PCED1A: variants seen among roughly 807,000 people sequenced by gnomAD.
PCED1A encodes the protein PC-esterase domain containing 1A, also known as PC-esterase domain-containing protein 1A.
A neutral mutation model predicts 41.9 loss-of-function variants in PCED1A; 20 were observed. That is an observed-to-expected ratio of 0.48 (90% confidence interval 0.34 to 0.69). PCED1A has a LOEUF of 0.69. Among genes scored for constraint, PCED1A ranks in the 30% least tolerant of loss-of-function variants. The probability of loss-of-function intolerance (pLI) is 0.01; values close to 1 mark genes in which losing one functional copy is unlikely to be tolerated. For synonymous variants in PCED1A, 236 were observed against 241.3 expected (o/e 0.98, Z 0.20); for missense variants, 498 against 602.1 (o/e 0.83, Z 1.81).
upstream of PCED1A, chr20:2,840,938 C>A: frequency 9.2e-7 from 1 of 1,083,046 alleles, no homozygotes; most frequent in Non-Finnish European, 1.3e-6. Flanking sequence ...GTCCGCCCCG[C>A]GCCGGCTCTC....
Position 2,835,526 on chromosome 20 carries a change from C to T in PCED1A, c.1301G>A (p.Arg434Lys), listed in dbSNP as rs1405015684. The T allele has an allele frequency of 1.2e-6, 2 of 1,614,044 alleles. No homozygotes were observed. Among genetic ancestry groups the T allele is most frequent in the African/African-American group, 1.3e-5 (1 of 75,008 alleles). Residue 434 changes from arginine (R) to lysine (K), a missense_variant, in exon 8 of 8, where the codon AGA becomes AAA. Physicochemically the swap from Arg to Lys is conservative, Grantham distance 26. Coordinates refer to ENST00000360652, the MANE Select transcript of PCED1A (RefSeq NM_022760.6). ...GTCCAGTTTGTATGTGTGGATCAGT[C>T]TCTCTGAGTGTCTGAGCCGCTGCCT... ...PCRQRLRHSE[R>K]LIHTYKLDRR... is the part of the protein sequence containing the mutation.
intron 2 of PCED1A, 36 bp from the exon 3 acceptor site, chr20:2,839,307 C>T: frequency 6.3e-7 from 1 of 1,595,706 alleles, no homozygotes; most frequent in Non-Finnish European, 8.6e-7. Context: ...CTGAGGCAGA[C>T]CTCAGCCTGC....
Position 2,836,249 on chromosome 20 carries a change from C to A in PCED1A, c.907G>T (p.Asp303Tyr). 1 of 1,614,132 alleles carries A rather than the reference C, an allele frequency of 6.2e-7. No individual in the cohort carries two copies. Among genetic ancestry groups the A allele is most frequent in the South Asian group, 1.1e-5 (1 of 91,078 alleles). Residue 303 changes from aspartate (D) to tyrosine (Y), a missense_variant, in exon 7 of 8, where the codon GAC becomes TAC. Asp to Tyr is a radical substitution (Grantham distance 160, BLOSUM62 -3). Around this residue, in one of 2 missense-constraint regions of PCED1A, gnomAD observed 245 missense variants for 232.4 expected, o/e 1.05. Coordinates refer to ENST00000360652, the MANE Select transcript of PCED1A (RefSeq NM_022760.6). ...AGCAAGGCCAGGTGCTCCCCGAAGT[C>A]TGGGGTCTGCCTATGGCTTCCCTGG... is the stretch of plus-strand genomic sequence containing the variant. ...PFQGSHRQTP[D>Y]FGEHLALLPP...
At chr20:2,840,960 G>T, upstream of PCED1A, 1 of 839,528 alleles carries the variant, frequency 1.2e-6, no homozygotes. Context: ...CCGAGCGTCT[G>T]CCACTTAGCG....
chr20:2,840,726 T>G, upstream of PCED1A: 2 of 1,543,418 alleles, frequency 1.3e-6, no homozygotes, highest in Non-Finnish European at 1.8e-6. Flanking sequence ...TGGAGCCCGC[T>G]CTAGGTGGGT....
chr20:2,840,996 G>A, upstream of PCED1A: 2 of 640,696 alleles, frequency 3.1e-6, no homozygotes, highest in Non-Finnish European at 5.2e-6. Flanking sequence ...GCAGGGAGCC[G>A]GGCCTTCCCC....
Position 2,838,408 on chromosome 20 carries a change from C to G in PCED1A, c.665G>C (p.Gly222Ala). The G allele has an allele frequency of 1.2e-6, 2 of 1,614,218 alleles. No homozygotes were observed. Among genetic ancestry groups the G allele is most frequent in the Non-Finnish European group, 1.7e-6 (2 of 1,180,038 alleles). ...GTCTAGGACATCAAAGCAGTGGTCCCCGGCCAGCGTAGCACTGTAGAAGTT... is the reference window on the plus strand; with the variant it reads ...GTCTAGGACATCAAAGCAGTGGTCCGCGGCCAGCGTAGCACTGTAGAAGTT... Reference protein sequence around the residue: ...EGNFYSATLAGDHCFDVLDLH... With the variant: ...EGNFYSATLAADHCFDVLDLH... The change falls in exon 6 of 8, where the codon GGG (glycine) becomes GCG (alanine). Residue 222 changes from glycine (G) to alanine (A), a missense_variant. Physicochemically the swap from Gly to Ala is moderately conservative, Grantham distance 60. Around this residue, in one of 2 missense-constraint regions of PCED1A, gnomAD observed 253 missense variants for 369.7 expected, o/e 0.68. Transcript: ENST00000360652. The surrounding 1 kb of genome is among the most constrained non-coding windows in gnomAD (Gnocchi z 5.8).
chr20:2,838,536 G>A lies in PCED1A; in HGVS notation c.595-58C>T, dbSNP rs752775454. The A allele has an allele frequency of 6.2e-7, 1 of 1,613,872 alleles. No homozygotes were observed. Among genetic ancestry groups the A allele is most frequent in the South Asian group, 1.1e-5 (1 of 91,084 alleles). On this transcript the variant is annotated intron_variant, in intron 5 of 7. Transcript: ENST00000360652. This position sits in a 1 kb window ranked among gnomAD's most constrained non-coding sequence, Gnocchi z 5.8. The stretch of plus-strand genomic sequence containing the variant: ...AGAACGCAGCAGGGTCTGAAAGCAG[G>A]GTGTCCTATCTACCAGTCTGCTATC...
Position 2,838,212 on chromosome 20 carries a change from C to T in PCED1A, c.841+20G>A, listed in dbSNP as rs974758462. ...AGGGCCCCAGTGCATCACTACCCCC[C>T]CACTTATGGTAGGGCTCACCAGGGG... On this transcript the variant is annotated intron_variant, in intron 6 of 7. Transcript: ENST00000360652. The surrounding 1 kb of genome is among the most constrained non-coding windows in gnomAD (Gnocchi z 5.8). The T allele has an allele frequency of 6.2e-7, 1 of 1,613,554 alleles. No individual in the cohort carries two copies. The highest frequency in any genetic ancestry group is 8.5e-7 in the Non-Finnish European group (1 of 1,179,952).
Position 2,839,189 on chromosome 20 carries a change from C to T in PCED1A, c.204+3G>A. ...ACTGACATGGCCACCAAGCTTCCCT[C>T]ACCTTGGCTTTCAGCTGGGCAGCTG... is the stretch of plus-strand genomic sequence containing the variant. On this transcript the variant is annotated splice_donor_region_variant and intron_variant, in intron 3 of 7. Transcript: ENST00000360652. 6.2e-7 allele frequency: 1 copy of T among 1,613,618 alleles called. No homozygotes were observed. Among genetic ancestry groups the T allele is most frequent in the Non-Finnish European group, 8.5e-7 (1 of 1,179,934 alleles).
rs1361259850 is a variant in PCED1A, at chr20:2,838,884, C to T, written c.403G>A (p.Asp135Asn). 3.7e-6 allele frequency: 6 copies of T among 1,614,136 alleles called. No individual in the cohort carries two copies. Among genetic ancestry groups the T allele is most frequent in the Non-Finnish European group, 5.1e-6 (6 of 1,180,036 alleles). Reference protein sequence around the residue: ...LEELTYGPAPDLVIINSCLWD... With the variant: ...LEELTYGPAPNLVIINSCLWD... ...AGGCAGGAGTTGATGATCACCAGGT[C>T]CGGGGCAGGTCCATATGTCAGCTCT... Residue 135 changes from aspartate to asparagine, a missense_variant, in exon 4 of 8, where the codon GAC becomes AAC. By Grantham distance (23) the Asp-to-Asn change is conservative (BLOSUM62 1). Coordinates refer to ENST00000360652, the MANE Select transcript of PCED1A (RefSeq NM_022760.6). The surrounding 1 kb of genome is among the most constrained non-coding windows in gnomAD (Gnocchi z 5.8).
Position 2,838,549 on chromosome 20 carries a change from C to T in PCED1A, c.594+47G>A, listed in dbSNP as rs777266201. ...GTCTGAAAGCAGGGTGTCCTATCTA[C>T]CAGTCTGCTATCCCATCTCTTGTCC... On this transcript the variant is annotated intron_variant, in intron 5 of 7. Coordinates refer to ENST00000360652, the MANE Select transcript of PCED1A (RefSeq NM_022760.6). This position sits in a 1 kb window ranked among gnomAD's most constrained non-coding sequence, Gnocchi z 5.8. 1 of 1,614,044 alleles carries T rather than the reference C, an allele frequency of 6.2e-7. No individual in the cohort carries two copies. Among genetic ancestry groups the T allele is most frequent in the African/African-American group, 1.3e-5 (1 of 75,058 alleles).
upstream of PCED1A, chr20:2,840,917 C>A: frequency 7.9e-7 from 1 of 1,260,222 alleles, no homozygotes; most frequent in Non-Finnish European, 1.1e-6. Flanking sequence ...CCTGTCACTA[C>A]TGGCGCTGGG....
Position 2,835,328 on chromosome 20 carries a change from C to T in PCED1A, c.*134G>A, listed in dbSNP as rs1285666344. On this transcript the variant is annotated 3_prime_UTR_variant, in exon 8 of 8. Transcript: ENST00000360652. ...GCACACAGGAATTTGTCACTCTGTT[C>T]TTCCATGCCTTTATTGGTGACAGCA... 3 of 1,200,928 alleles carry T rather than the reference C, an allele frequency of 2.5e-6. No homozygotes were observed. The highest frequency in any genetic ancestry group is 2.2e-6 in the Non-Finnish European group (2 of 890,772). 74.4% of individuals were successfully genotyped at this position (1,200,928 alleles called of 1,614,324 possible). A position where few individuals can be genotyped will look rare whatever the true frequency, so the allele number is the denominator to read the frequency against.
chr20:2,838,753 G>T lies in PCED1A; in HGVS notation c.444-7C>A, dbSNP rs372160500. The T allele has an allele frequency of 8.8e-5, 142 of 1,614,074 alleles. No homozygotes were observed. The highest frequency in any genetic ancestry group is 1.1e-4 in the Non-Finnish European group (133 of 1,180,052). On this transcript the variant is annotated splice_region_variant and splice_polypyrimidine_tract_variant and intron_variant, in intron 4 of 7. Coordinates refer to ENST00000360652, the MANE Select transcript of PCED1A (RefSeq NM_022760.6). This position sits in a 1 kb window ranked among gnomAD's most constrained non-coding sequence, Gnocchi z 5.8. ...CATTGAGCAGCGACCATATCTGTTG[G>T]ATAACACACAGGGTGGGCAAGAGCA...
rs1459554065 is a variant in PCED1A, at chr20:2,838,691, G to A, written c.499C>T (p.Arg167Cys). Residue 167 changes from arginine to cysteine, a missense_variant, in exon 5 of 8, where the codon CGC (arginine) becomes TGC (cysteine). Transcript: ENST00000360652. The surrounding 1 kb of genome is among the most constrained non-coding windows in gnomAD (Gnocchi z 5.8). ...YRENLERVFVRMDQVLPDSCL... is the reference protein window; with the variant it reads ...YRENLERVFVCMDQVLPDSCL... ...GAGTCTGGCAATACTTGGTCCATGC[G>A]CACAAACACCCGCTCCAGGTTCTCC... 4 of 1,614,180 alleles carry A rather than the reference G, an allele frequency of 2.5e-6. No homozygotes were observed. The highest frequency in any genetic ancestry group is 1.1e-5 in the South Asian group (1 of 91,086).
At chr20:2,840,751 T>C, upstream of PCED1A, 4 of 1,547,782 alleles carry the variant, frequency 2.6e-6, no homozygotes, top group Non-Finnish European at 3.5e-6. Flanking sequence ...CCTCGGTGCT[T>C]CCCAGCTGCC....
Position 2,838,998 on chromosome 20 carries a change from G to A in PCED1A, c.289C>T (p.Arg97Cys), listed in dbSNP as rs754708835. 2 of 1,613,884 alleles carry A rather than the reference G, an allele frequency of 1.2e-6. No homozygotes were observed. The highest frequency in any genetic ancestry group is 1.7e-6 in the Non-Finnish European group (2 of 1,180,006). Residue 97 changes from arginine (R) to cysteine (C), a missense_variant, in exon 4 of 8, where the codon CGC (arginine) becomes TGC (cysteine). Arg to Cys is a radical substitution (Grantham distance 180). Coordinates refer to ENST00000360652, the MANE Select transcript of PCED1A (RefSeq NM_022760.6). The surrounding 1 kb of genome is among the most constrained non-coding windows in gnomAD (Gnocchi z 5.8). ...LHNGTQYREV[R>C]QFCSGSGHHL... ...TGGCCAGAGCCCGAGCAGAACTGGC[G>A]GACCTCACGATACTGTGTCCCGTTG...
chr20:2,835,893 A>G (rs945761858), intron 7 of PCED1A, 146 bp downstream of exon 7: 1 of 1,437,098 alleles, frequency 7.0e-7, no homozygotes, highest in East Asian at 2.5e-5. Context: ...ATGAACCTAC[A>G]GATGATGTTT....
Sources: gnomAD v4.1 joint callset for allele counts on GRCh38, gnomAD v4.1.1 for gene constraint, gnomAD v4.1.1 regional missense constraint, Gnocchi (gnomAD v3.1) non-coding constraint, MANE v1.5 for transcripts, NCBI Gene and HGNC (gene_info 2026-07-23, HGNC 2026-07-21) for gene names.